The following TPM4 variants were observed in gnomAD, a reference collection of about 807,000 sequenced individuals.
TPM4 encodes the protein tropomyosin alpha-4 chain.
A neutral mutation model predicts 35.8 loss-of-function variants in TPM4; 17 were observed. The observed-to-expected ratio is 0.47, with a 90% CI of 0.32 to 0.71. The LOEUF (loss-of-function observed/expected upper bound fraction) is 0.71. Among genes scored for constraint, TPM4 ranks in the 30% least tolerant of loss-of-function variants. The pLI, the probability that TPM4 is intolerant of heterozygous loss-of-function variation, is 0.03. For missense variants in TPM4, 240 were observed against 320.9 expected (o/e 0.75, Z 1.93); for synonymous variants, 120 against 122.9 (o/e 0.98, Z 0.15).
rs1016115507 is a variant in TPM4, at chr19:16,076,700, G to C, written c.132+3G>C. On this transcript the variant is annotated splice_donor_region_variant and intron_variant, in intron 1 of 7. Transcript: ENST00000643579. ...GCGAGCGCGAGCGGCGCGAGAAAGT[G>C]AGCGCCCCGGCCTCGGGCCCCGCAC... 1.5e-6 allele frequency: 2 copies of C among 1,342,490 alleles called. No individual in the cohort carries two copies. Among genetic ancestry groups the C allele is most frequent in the Non-Finnish European group, 1.9e-6 (2 of 1,047,790 alleles). 83.2% of individuals were successfully genotyped at this position (1,342,490 alleles called of 1,614,324 possible).
chr19:16,082,827 A>G (rs139911695), intron 2 of TPM4, among the ~76,000 whole-genome samples: 1 of 151,928 alleles, frequency 6.6e-6, no homozygotes, highest in South Asian at 2.1e-4. Flanking sequence ...CCCTGTCTCT[A>G]CAAAAAATAC....
chr19:16,094,363 G>A (rs921703445), intron 7 of TPM4, among the ~76,000 whole-genome samples: 11 of 151,756 alleles, frequency 7.2e-5, no homozygotes, highest in African/African-American at 2.2e-4. Flanking sequence ...GTGAAACCCC[G>A]TCTCTACCAA....
intron 2 of TPM4, among the ~76,000 whole-genome samples, chr19:16,085,661 A>C (rs1315338871): frequency 2.6e-5 from 4 of 152,212 alleles, no homozygotes; most frequent in African/African-American, 9.7e-5. Context: ...TGTAACCTTA[A>C]GTTACTTACC....
chr19:16,088,897 CCATTAA>C, intron 4 of TPM4, 142 bp from the exon 5 acceptor site: 1 of 1,461,442 alleles, frequency 6.8e-7, no homozygotes, highest in Admixed American at 2.5e-5. Context: ...GCAGAAAAAT[CCATTAA>C]CATTTTCTCC....
At chr19:16,098,300 G>A (rs150445123) in intron 7 of TPM4, among the ~76,000 whole-genome samples, 421 of 152,082 alleles carry the variant, frequency 2.8e-3, no homozygotes, top group Middle Eastern at 0.01. Context: ...AAAATTAGCC[G>A]GGCATGGTCA....
chr19:16,081,379 C>A, intron 1 of TPM4: 6 of 253,370 alleles, frequency 2.4e-5, no homozygotes, highest in South Asian at 1.8e-4. Flanking sequence ...AACTACCCAT[C>A]TTGTACTGGG....
At position 16,076,653 on chromosome 19, in the gene TPM4, G is replaced by A. The variant is rs1375630257; in HGVS notation, c.88G>A (p.Gly30Ser). The A allele has an allele frequency of 5.6e-6, 8 of 1,431,672 alleles. No individual in the cohort carries two copies. In the East Asian group the frequency reaches 1.2e-4, roughly 22 times the overall value. 88.7% of individuals were successfully genotyped at this position (1,431,672 alleles called of 1,614,324 possible). The change falls in exon 1 of 8, where the codon GGC becomes AGC. Residue 30 changes from glycine (G) to serine (S), a missense_variant. Coordinates refer to ENST00000643579, the MANE Select transcript of TPM4 (RefSeq NM_003290.3). ...GGACGAGGCGGAAGACCGCGCGCAGGGCCTGCAGCGGGAGCTGGACGGCGA... is the reference window on the plus strand; with the variant it reads ...GGACGAGGCGGAAGACCGCGCGCAGAGCCTGCAGCGGGAGCTGGACGGCGA... The part of the protein sequence containing the change: ...QADEAEDRAQ[G>S]LQRELDGERE...
chr19:16,098,451 A>AAAAAAG (rs1555711667), intron 7 of TPM4, among the ~76,000 whole-genome samples: 8 of 152,156 alleles, frequency 5.3e-5, no homozygotes, highest in Non-Finnish European at 2.9e-5. Flanking sequence ...CGCCTCAAAA[A>AAAAAAG]AAAAGAAAAG....
chr19:16,071,835 A>G (rs2090359332), upstream of TPM4, among the ~76,000 whole-genome samples: 1 of 152,182 alleles, frequency 6.6e-6, no homozygotes, highest in Non-Finnish European at 1.5e-5. Flanking sequence ...CTCCCAGGGC[A>G]GCAACATCCT....
intron 7 of TPM4, chr19:16,095,574 C>T (rs1424619966): frequency 8.9e-6 from 9 of 1,012,676 alleles, no homozygotes; most frequent in Non-Finnish European, 9.5e-6. Flanking sequence ...TGCCCTTAAC[C>T]ATAGCCTGAA....
chr19:16,084,272 G>C (rs2090521498), intron 2 of TPM4, among the ~76,000 whole-genome samples: 1 of 152,212 alleles, frequency 6.6e-6, no homozygotes, highest in Non-Finnish European at 1.5e-5. Flanking sequence ...ACCAGCTAAG[G>C]AATCTTGGAG....
upstream of TPM4, chr19:16,076,002 G>GGC (rs2090399225): frequency 1.4e-6 from 2 of 1,468,868 alleles, no homozygotes; most frequent in African/African-American, 3.4e-5. Flanking sequence ...TCGGGGACGT[G>GGC]ACCCCCCCCC....
intron 2 of TPM4, among the ~76,000 whole-genome samples, chr19:16,069,076 T>C (rs1022760895): frequency 2.0e-5 from 3 of 152,162 alleles, no homozygotes; most frequent in Non-Finnish European, 4.4e-5. Flanking sequence ...TGATTGAAAG[T>C]ACATGTTGAT....
At chr19:16,089,675 T>TC (rs2090602209) in intron 5 of TPM4, among the ~76,000 whole-genome samples, 1 of 150,900 alleles carries the variant, frequency 6.6e-6, no homozygotes, top group East Asian at 1.9e-4. Flanking sequence ...CCACTTTTTT[T>TC]TTTTTTTTTT....
chr19:16,069,988 A>ATG (rs144086539), intron 2 of TPM4, among the ~76,000 whole-genome samples: 3,562 of 146,372 alleles, frequency 0.024, 106 homozygotes, highest in African/African-American at 0.073. Context: ...ATGGCACGGC[A>ATG]TGTGTGTGTG....
chr19:16,076,616 G>A lies in TPM4; in HGVS notation c.51G>A (p.Leu17=). ...CGGTGAAACGCAAGATCCAGGCCCTGCAGCAGCAGGCGGACGAGGCGGAAG... is the reference window on the plus strand; with the variant it reads ...CGGTGAAACGCAAGATCCAGGCCCTACAGCAGCAGGCGGACGAGGCGGAAG... The part of the protein sequence containing the change: ...LEAVKRKIQA[L]QQQADEAEDR... Residue 17 remains leucine (L), a synonymous_variant, in exon 1 of 8, where the codon CTG becomes CTA. Transcript: ENST00000643579. 1 of 1,463,450 alleles carries A rather than the reference G, an allele frequency of 6.8e-7. No homozygotes were observed. Among genetic ancestry groups the A allele is most frequent in the Non-Finnish European group, 9.0e-7 (1 of 1,113,922 alleles). 90.7% of individuals were successfully genotyped at this position (1,463,450 alleles called of 1,614,324 possible). A position where few individuals can be genotyped will look rare whatever the true frequency, so the allele number is the denominator to read the frequency against.
At position 16,081,397 on chromosome 19, in the gene TPM4, C is replaced by CTTTTTT. The variant is rs374854830; in HGVS notation, c.133-504_133-499dup. ...TACCCATCTTGTACTGGGACACTCG[C>CTTTTTT]TTTTTTTTTTTTTTTTTGAGACGGA... On this transcript the variant is annotated intron_variant, in intron 1 of 7. Transcript: ENST00000643579. The CTTTTTT allele has an allele frequency of 2.6e-3, 359 of 136,490 alleles. 17 individuals carry two copies. Among genetic ancestry groups the CTTTTTT allele is most frequent in the African/African-American group, 0.01 (336 of 33,118 alleles). 8.5% of individuals were successfully genotyped at this position (136,490 alleles called of 1,614,324 possible).
rs538277185 is a variant in TPM4 at position 16,100,921 on chromosome 19, G to C, written c.665-343G>C. 8.8e-5 allele frequency: 16 copies of C among 182,292 alleles called. No homozygotes were observed. In the East Asian group the frequency reaches 2.4e-3, roughly 27 times the overall value. The allele number at this position is 182,292 out of a possible 1,614,324, so 11.3% of individuals were successfully genotyped here. A position where few individuals can be genotyped will look rare whatever the true frequency, so the allele number is the denominator to read the frequency against. On this transcript the variant is annotated intron_variant, in intron 7 of 7. Coordinates refer to ENST00000643579, the MANE Select transcript of TPM4 (RefSeq NM_003290.3). The stretch of plus-strand genomic sequence containing the variant: ...ATGGTGGCTCACACCTGTAATCCCA[G>C]CACTTTAGGAGGCCAAGGTGGGTGG...
chr19:16,092,595 G>A (rs796795614), intron 5 of TPM4, among the ~76,000 whole-genome samples: 3 of 151,798 alleles, frequency 2.0e-5, no homozygotes, highest in African/African-American at 7.2e-5. Flanking sequence ...GAGTGCGGTG[G>A]CGCCATCTGG....
Sources: gnomAD v4.1 joint callset for allele counts (sites outside exome capture counted in the v4.1 genomes callset) on GRCh38, gnomAD v4.1.1 for gene constraint, MANE v1.5 for transcripts, NCBI Gene and HGNC (gene_info 2026-07-23, HGNC 2026-07-21) for gene names.